Variants in H6PD observed in about 807,000 individuals in gnomAD.
The protein encoded by H6PD is hexose-6-phosphate dehydrogenase/glucose 1-dehydrogenase.
H6PD carries 48 observed loss-of-function variants against 61.2 expected under a neutral mutation model. The ratio of observed to expected loss-of-function variants is 0.78; its 90% CI spans 0.62 to 1.00. The LOEUF is 1.00. H6PD is among the 50% of genes least tolerant of loss of function. The probability of loss-of-function intolerance (pLI) is 0.00; values close to 1 mark genes in which losing one functional copy is unlikely to be tolerated. For synonymous variants in H6PD, 480 were observed against 457.9 expected (o/e 1.05, Z -0.62); for missense variants, 1,093 against 1,065.0 (o/e 1.03, Z -0.37).
chr1:9,242,933 T>C, intron 1 of H6PD: 1 of 985,432 alleles, frequency 1.0e-6, no homozygotes, highest in Non-Finnish European at 1.2e-6. Context: ...GGACAGGGAC[T>C]GGAAAGCAGG....
intron 3 of H6PD, among the ~76,000 whole-genome samples, chr1:9,258,786 G>C (rs1263376426): frequency 1.3e-5 from 2 of 151,998 alleles, no homozygotes; most frequent in Admixed American, 6.6e-5. Flanking sequence ...TTATGTTGTT[G>C]TTACACCAGT....
chr1:9,255,368 ACCT>A (rs1401708687), intron 3 of H6PD, among the ~76,000 whole-genome samples: 1 of 151,892 alleles, frequency 6.6e-6, no homozygotes. Flanking sequence ...TGCAGCCTCG[ACCT>A]CCTAGGCTTA....
chr1:9,236,887 C>T (rs1001147711), intron 1 of H6PD, among the ~76,000 whole-genome samples: 5 of 152,128 alleles, frequency 3.3e-5, no homozygotes, highest in South Asian at 2.1e-4. Flanking sequence ...AAAACTAGCC[C>T]TTGAAGGTCT....
Position 9,270,946 on chromosome 1 carries a change from G to GTTTTTTTTTTTTTT in H6PD, c.*6077_*6078insTTTTTTTTTTTTTT, listed in dbSNP as rs1557432749. 5 of 106,940 alleles carry GTTTTTTTTTTTTTT rather than the reference G, an allele frequency of 4.7e-5. No homozygotes were observed. The highest frequency in any genetic ancestry group is 9.6e-5 in the Admixed American group (1 of 10,416). 6.6% of individuals were successfully genotyped at this position (106,940 alleles called of 1,614,324 possible). A position where few individuals can be genotyped will look rare whatever the true frequency, so the allele number is the denominator to read the frequency against. On this transcript the variant is annotated 3_prime_UTR_variant, in exon 5 of 5. Transcript: ENST00000377403. ...ATGATGAGGCACATTCAGAACAAAT[G>GTTTTTTTTTTTTTT]CTTTTTTTTTTTTGAGACAGAGTCT...
In H6PD at chr1:9,264,150, A is replaced by C; in HGVS notation, c.1657A>C (p.Ser553Arg). 6.2e-7 allele frequency: 1 copy of C among 1,613,304 alleles called. No individual in the cohort carries two copies. Among genetic ancestry groups the C allele is most frequent in the Non-Finnish European group, 8.5e-7 (1 of 1,179,610 alleles). ...GGTCCTCAGGGCCAAGTACCGAGAG[A>C]GCCCGCTGGTCTCCGCCTGGTCCGA... Reference protein sequence around the residue: ...FQVLRAKYRESPLVSAWSEEL... With the variant: ...FQVLRAKYRERPLVSAWSEEL... The change falls in exon 5 of 5, where the codon AGC (serine) becomes CGC (arginine). Residue 553 changes from serine (S) to arginine (R), a missense_variant. Coordinates refer to ENST00000377403, the MANE Select transcript of H6PD (RefSeq NM_004285.4).
chr1:9,241,457 G>A (rs1294532613), intron 1 of H6PD, among the ~76,000 whole-genome samples: 1 of 152,168 alleles, frequency 6.6e-6, no homozygotes, highest in Non-Finnish European at 1.5e-5. Flanking sequence ...AGGCTGGAGT[G>A]CAGTGGTGCG....
chr1:9,234,834 C>A lies in H6PD; in HGVS notation c.-243C>A, dbSNP rs577460807. The stretch of plus-strand genomic sequence containing the variant: ...CCTGAGGCCTGGGGCGGGGTGGCGG[C>A]CGGGCTGGCCTTGGCCTCGCGCCTT... On this transcript the variant is annotated 5_prime_UTR_variant, in exon 1 of 5. Transcript: ENST00000377403. 2 of 147,374 alleles carry A rather than the reference C, an allele frequency of 1.4e-5. No homozygotes were observed. Among genetic ancestry groups the A allele is most frequent in the Non-Finnish European group, 3.0e-5 (2 of 66,316 alleles). 9.1% of individuals were successfully genotyped at this position (147,374 alleles called of 1,614,324 possible).
In H6PD at chr1:9,245,331, C is replaced by T. The variant is rs1570089311; in HGVS notation, c.397C>T (p.Leu133Phe). Residue 133 changes from leucine (L) to phenylalanine (F), a missense_variant, in exon 2 of 5, where the codon CTC (leucine) becomes TTC (phenylalanine). Physicochemically the swap from Leu to Phe is conservative, Grantham distance 22 (BLOSUM62 0). Transcript: ENST00000377403. This position sits in a 1 kb window ranked among gnomAD's most constrained non-coding sequence, Gnocchi z 4.8. Reference sequence around the variant, plus strand: ...CGAGGCACAGCTCCAGCACGCAGGCCTCCGGGAGGCTGGCAGGATCTTCTA... The same window carrying T: ...CGAGGCACAGCTCCAGCACGCAGGCTTCCGGGAGGCTGGCAGGATCTTCTA... ...DIEAQLQHAG[L>F]REAGRIFYFS... The T allele has an allele frequency of 6.2e-7, 1 of 1,614,224 alleles. No individual in the cohort carries two copies. The highest frequency in any genetic ancestry group is 8.5e-7 in the Non-Finnish European group (1 of 1,180,042).
Position 9,267,290 on chromosome 1 carries a change from G to A in H6PD, c.*2421G>A, listed in dbSNP as rs1316384113. The A allele has an allele frequency of 6.6e-6, 1 of 152,348 alleles. No individual in the cohort carries two copies. The highest frequency in any genetic ancestry group is 2.4e-5 in the African/African-American group (1 of 41,438). The allele number at this position is 152,348 out of a possible 1,614,324, so 9.4% of individuals were successfully genotyped here. On this transcript the variant is annotated 3_prime_UTR_variant, in exon 5 of 5. Transcript: ENST00000377403. ...GAAGTTCCACAGCTGGCCGCGTGGG[G>A]GGGCCCTTGCACCGCACTGCCGCCT...
chr1:9,237,236 C>CTCTTTTTTTT (rs1419535641), intron 1 of H6PD, among the ~76,000 whole-genome samples: 27 of 71,078 alleles, frequency 3.8e-4, no homozygotes, highest in African/African-American at 1.2e-3. Context: ...TTTGACTTCT[C>CTCTTTTTTTT]TTTTTTTTTT....
At chr1:9,237,373 C>T (rs1339500091) in intron 1 of H6PD, among the ~76,000 whole-genome samples, 4 of 149,296 alleles carry the variant, frequency 2.7e-5, no homozygotes, top group South Asian at 2.1e-4. Flanking sequence ...GCTGGGATTA[C>T]AGGCACCTGC....
intron 3 of H6PD, among the ~76,000 whole-genome samples, chr1:9,248,758 G>A (rs942619080): frequency 1.3e-5 from 2 of 152,174 alleles, no homozygotes; most frequent in African/African-American, 4.8e-5. Flanking sequence ...TGCTGGGTTC[G>A]AGAAGGCACT....
At chr1:9,248,550 C>T (rs1641257820) in intron 3 of H6PD, among the ~76,000 whole-genome samples, 1 of 152,064 alleles carries the variant, frequency 6.6e-6, no homozygotes, top group South Asian at 2.1e-4. Context: ...GTAGTCCCAG[C>T]TACTCGGGGG....
chr1:9,244,678 C>G (rs532257903), intron 1 of H6PD, among the ~76,000 whole-genome samples: 9 of 152,340 alleles, frequency 5.9e-5, no homozygotes, highest in African/African-American at 2.2e-4. Context: ...AGTGGTTCAT[C>G]TCTAGCAAGT....
chr1:9,252,723 G>A (rs957152416), intron 3 of H6PD, among the ~76,000 whole-genome samples: 2 of 152,020 alleles, frequency 1.3e-5, no homozygotes, highest in African/African-American at 2.4e-5. Flanking sequence ...TATATACTTC[G>A]GCAGTAGAAT....
intron 1 of H6PD, 108 bp downstream of exon 1, chr1:9,235,174 C>A: frequency 6.6e-6 from 1 of 151,798 alleles, no homozygotes; most frequent in South Asian, 1.9e-4. Context: ...GCTGCCAGCC[C>A]CACGGAGCCT....
At chr1:9,236,692 G>T (rs1448591738) in intron 1 of H6PD, among the ~76,000 whole-genome samples, 2 of 148,200 alleles carry the variant, frequency 1.3e-5, no homozygotes, top group Non-Finnish European at 3.0e-5. Context: ...AAAAAAAGCA[G>T]CTAGGATTTC....
chr1:9,243,490 G>A (rs927554524), intron 1 of H6PD, among the ~76,000 whole-genome samples: 7 of 152,132 alleles, frequency 4.6e-5, no homozygotes, highest in Non-Finnish European at 5.9e-5. Flanking sequence ...GTGGATTTCT[G>A]ACTAGTTCCC....
intron 4 of H6PD, 132 bp from the exon 5 acceptor site, chr1:9,263,377 G>C: frequency 3.6e-6 from 3 of 841,632 alleles, no homozygotes; most frequent in African/African-American, 1.7e-5. Context: ...CAGGCGAGGG[G>C]TGAGCATGGC....
Sources: gnomAD v4.1 joint callset for allele counts (sites outside exome capture counted in the v4.1 genomes callset) on GRCh38, gnomAD v4.1.1 for gene constraint, Gnocchi (gnomAD v3.1) non-coding constraint, MANE v1.5 for transcripts, NCBI Gene and HGNC (gene_info 2026-07-23, HGNC 2026-07-21) for gene names.